Variants in CYP4F12 observed in about 807,000 individuals in gnomAD.
CYP4F12 encodes cytochrome P450 family 4 subfamily F member 12.
A neutral mutation model predicts 56.5 loss-of-function variants in CYP4F12; 60 were observed. The ratio of observed to expected loss-of-function variants is 1.06; its 90% confidence interval spans 0.86 to 1.32. The LOEUF is 1.32. Ranked by LOEUF, CYP4F12 falls within the 40% of genes most tolerant of loss-of-function variation. The pLI is 0.00. For synonymous variants in CYP4F12, 263 were observed against 264.9 expected, an observed-to-expected ratio of 0.99 and a Z score of 0.07; for missense variants, 711 against 683.5, an observed-to-expected ratio of 1.04 and a Z score of -0.45.
At chr19:15,696,246 C>G in intron 11 of CYP4F12, 21 bp downstream of exon 11, 2 of 1,613,818 alleles carry the variant, frequency 1.2e-6, no homozygotes, top group Non-Finnish European at 1.7e-6. Context: ...CCCCATTCAC[C>G]ACCACCACCC....
intron 9 of CYP4F12, among the ~76,000 whole-genome samples, chr19:15,692,737 T>C (rs2007928193): frequency 6.6e-6 from 1 of 152,110 alleles, no homozygotes. Context: ...TATTTTGACG[T>C]AAGTCCCAGG....
rs556006739 is a variant in CYP4F12, at chr19:15,680,488, C to T, written c.494C>T (p.Thr165Met). ...TTCAACATCCTGAAGTCCTATATAACGATCTTCAACAAGAGTGCAAACATC... is the reference window on the plus strand; with the variant it reads ...TTCAACATCCTGAAGTCCTATATAATGATCTTCAACAAGAGTGCAAACATC... ...FHFNILKSYI[T>M]IFNKSANIML... Residue 165 changes from threonine (T) to methionine (M), a missense_variant, in exon 5 of 13, where the codon ACG becomes ATG. Physicochemically the swap from Thr to Met is moderately conservative, Grantham distance 81 (BLOSUM62 -1). Coordinates refer to ENST00000550308, the MANE Select transcript of CYP4F12 (RefSeq NM_023944.4). The T allele has an allele frequency of 3.4e-5, 55 of 1,614,172 alleles. No homozygotes were observed. The highest frequency in any genetic ancestry group is 1.1e-4 in the African/African-American group (8 of 75,038).
chr19:15,694,227 A>C (rs552514684), intron 9 of CYP4F12, among the ~76,000 whole-genome samples: 251 of 152,122 alleles, frequency 1.6e-3, no homozygotes, highest in African/African-American at 5.3e-3. Flanking sequence ...TCTGTGAAGA[A>C]AGTCATTGGT....
chr19:15,684,306 G>C (rs2007481005), intron 7 of CYP4F12: 1 of 156,578 alleles, frequency 6.4e-6, no homozygotes, highest in African/African-American at 2.4e-5. Flanking sequence ...CAGAGAAAGA[G>C]AGAGAGAGAG....
At chr19:15,695,564 G>GT (rs2144769123) in intron 9 of CYP4F12, among the ~76,000 whole-genome samples, 1 of 151,402 alleles carries the variant, frequency 6.6e-6, no homozygotes, top group Non-Finnish European at 1.5e-5. Flanking sequence ...GCACTTGCTG[G>GT]TATCTCTAGC....
At chr19:15,689,948 G>A (rs758310601) in intron 9 of CYP4F12, among the ~76,000 whole-genome samples, 11 of 152,124 alleles carry the variant, frequency 7.2e-5, no homozygotes, top group South Asian at 2.1e-4. Context: ...TTGGAGACTC[G>A]GAGAGCAAGG....
At position 15,683,080 on chromosome 19, in the gene CYP4F12, G is replaced by C. The variant is rs539962146; in HGVS notation, c.648-413G>C. ...GGTGAAAGAGAGAGGGAGAGAGAGA[G>C]AGACAGAGAGACAGAGAGAGAGAGA... On this transcript the variant is annotated intron_variant, in intron 6 of 12. Coordinates refer to ENST00000550308, the MANE Select transcript of CYP4F12 (RefSeq NM_023944.4). Among the ~76,000 whole-genome samples the C allele has an allele frequency of 5.4e-3, 662 of 122,366 alleles. 7 individuals carry two copies. Among genetic ancestry groups the C allele is most frequent in the African/African-American group, 0.02 (639 of 32,446 alleles). 80.3% of individuals were successfully genotyped at this position (122,366 alleles called of 152,430 possible).
intron 2 of CYP4F12, among the ~76,000 whole-genome samples, chr19:15,675,986 G>A (rs2006901637): frequency 6.6e-6 from 1 of 152,192 alleles, no homozygotes; most frequent in Admixed American, 6.5e-5. Flanking sequence ...TATATCATCT[G>A]CAAGCCAGAA....
chr19:15,677,670 C>CTTCTCACGTACTCAT lies in CYP4F12; in HGVS notation c.199-590_199-589insTCTCACGTACTCATT, dbSNP rs2007035589. On this transcript the variant is annotated intron_variant, in intron 2 of 12. Transcript: ENST00000550308. ...TTCCTCTCCTCACTCACTCATTCCT[C>CTTCTCACGTACTCAT]TCCTCACTCACTCATTCCTCTCCTC... is the stretch of plus-strand genomic sequence containing the variant. 1.5e-5 allele frequency among the ~76,000 whole-genome samples: 2 copies of CTTCTCACGTACTCAT among 135,026 alleles called. 1 individual carries two copies. Among genetic ancestry groups the CTTCTCACGTACTCAT allele is most frequent in the Non-Finnish European group, 3.2e-5 (2 of 61,764 alleles). 88.6% of individuals were successfully genotyped at this position (135,026 alleles called of 152,430 possible). A position where few individuals can be genotyped will look rare whatever the true frequency, so the allele number is the denominator to read the frequency against.
In CYP4F12 at chr19:15,684,721, C is replaced by G. The variant is rs2007503643; in HGVS notation, c.919-95C>G. The G allele has an allele frequency of 3.3e-6, 4 of 1,224,822 alleles. No homozygotes were observed. In the African/African-American group the frequency reaches 4.5e-5, roughly 14 times the overall value. The allele number at this position is 1,224,822 out of a possible 1,614,324, so 75.9% of individuals were successfully genotyped here. A position where few individuals can be genotyped will look rare whatever the true frequency, so the allele number is the denominator to read the frequency against. On this transcript the variant is annotated intron_variant, in intron 7 of 12. Transcript: ENST00000550308. ...AAGATCAGAGCTTCAGAGATTATCT[C>G]AGGTTAGACTCCGGAGTCTCAGAGA...
intron 9 of CYP4F12, among the ~76,000 whole-genome samples, chr19:15,692,792 C>T (rs779009012): frequency 6.6e-5 from 10 of 152,172 alleles, no homozygotes; most frequent in South Asian, 4.2e-4. Context: ...AAAAGATACA[C>T]GCCAGCCACG....
At position 15,684,599 on chromosome 19, in the gene CYP4F12, G is replaced by C. The variant is rs143102354; in HGVS notation, c.919-217G>C. ...TTGATTCCTGTCACCAGGGTCCAAA[G>C]AGGAGGCAAAGGATCTGGGGGAAGC... On this transcript the variant is annotated intron_variant, in intron 7 of 12. Coordinates refer to ENST00000550308, the MANE Select transcript of CYP4F12 (RefSeq NM_023944.4). The C allele has an allele frequency of 1.9e-3, 910 of 483,296 alleles. 5 individuals carry two copies. The highest frequency in any genetic ancestry group is 0.016 in the African/African-American group (822 of 50,674). 29.9% of individuals were successfully genotyped at this position (483,296 alleles called of 1,614,324 possible).
chr19:15,696,087 G>A lies in CYP4F12; in HGVS notation c.1249+18G>A, dbSNP rs2144771381. 6.2e-7 allele frequency: 1 copy of A among 1,611,880 alleles called. No individual in the cohort carries two copies. Among genetic ancestry groups the A allele is most frequent in the Non-Finnish European group, 8.5e-7 (1 of 1,178,652 alleles). ...CCCCAAAGGTGCCCACAGCCTCAGG[G>A]GGAGAAGCCTCCCGGGTAGGAAGAT... is the stretch of plus-strand genomic sequence containing the variant. On this transcript the variant is annotated intron_variant, in intron 10 of 12. Transcript: ENST00000550308.
chr19:15,673,457 G>C, intron 1 of CYP4F12, 72 bp from the exon 2 acceptor site: 1 of 1,500,804 alleles, frequency 6.7e-7, no homozygotes, highest in South Asian at 1.2e-5. Flanking sequence ...TCCTGACTTC[G>C]CCCCTATACA....
Position 15,696,213 on chromosome 19 carries a change from G to A in CYP4F12, c.1302G>A (p.Trp434Ter), listed in dbSNP as rs1260572097. ...GGGTCCATCACAACCCAACTGTGTGGCCGGATCCTGAGGTGCTGCCTTCCC... is the reference window on the plus strand; with the variant it reads ...GGGTCCATCACAACCCAACTGTGTGACCGGATCCTGAGGTGCTGCCTTCCC... ...IIGVHHNPTV[W>*]PDPEVYDPFR... is the part of the protein sequence containing the mutation. Residue 434 changes from tryptophan (W) to a stop codon, truncating the protein, a stop_gained, in exon 11 of 13, where the codon TGG (tryptophan) becomes TGA (stop). Coordinates refer to ENST00000550308, the MANE Select transcript of CYP4F12 (RefSeq NM_023944.4). LOFTEE classifies it high-confidence loss of function. 6.2e-7 allele frequency: 1 copy of A among 1,613,930 alleles called. No homozygotes were observed. The highest frequency in any genetic ancestry group is 2.2e-5 in the East Asian group (1 of 44,868).
rs375208441 is a variant in CYP4F12 at position 15,696,956 on chromosome 19, G to A, written c.1446G>A (p.Leu482=). The A allele has an allele frequency of 3.0e-5, 49 of 1,614,078 alleles. No homozygotes were observed. In the African/African-American group the frequency reaches 5.9e-4, roughly 19 times the overall value. The change falls in exon 13 of 13, where the codon CTG becomes CTA. Residue 482 remains leucine, a synonymous_variant. Transcript: ENST00000550308. ...AFAMAEMKVV[L]ALMLLHFRFL... is the part of the protein sequence containing the mutation. Reference sequence around the variant, plus strand: ...CCATGGCGGAGATGAAAGTGGTCCTGGCGTTGATGCTGCTGCACTTCCGGT... The same window carrying A: ...CCATGGCGGAGATGAAAGTGGTCCTAGCGTTGATGCTGCTGCACTTCCGGT...
At chr19:15,677,850 T>C (rs111220011) in intron 2 of CYP4F12, among the ~76,000 whole-genome samples, 352 of 1,118 alleles carry the variant, frequency 0.31, 170 homozygotes, top group East Asian at 1. Flanking sequence ...ACTCTTATTC[T>C]TCTCCTCACT....
intron 6 of CYP4F12, among the ~76,000 whole-genome samples, chr19:15,683,064 G>C (rs1477835610): frequency 2.1e-5 from 3 of 146,012 alleles, no homozygotes; most frequent in African/African-American, 7.9e-5. Context: ...GGGTGAAAGA[G>C]AGAGGGAGAG....
At chr19:15,679,134 T>A (rs1457204663) in intron 3 of CYP4F12, among the ~76,000 whole-genome samples, 1 of 152,182 alleles carries the variant, frequency 6.6e-6, no homozygotes, top group Non-Finnish European at 1.5e-5. Context: ...TCCCACAAAA[T>A]CTATGGCTCT....
Sources: allele counts gnomAD v4.1 joint callset (sites outside exome capture counted in the v4.1 genomes callset), GRCh38; gene constraint gnomAD v4.1.1; transcripts MANE v1.5; gene names NCBI Gene and HGNC (gene_info 2026-07-23, HGNC 2026-07-21).